CDK14: variants seen among roughly 807,000 people sequenced by gnomAD.
The protein encoded by CDK14 is cyclin-dependent kinase 14.
In CDK14, 34 loss-of-function variants were observed where a neutral mutation model predicts 60.7. The ratio of observed to expected loss-of-function variants is 0.56; its 90% CI spans 0.43 to 0.75. CDK14 has a LOEUF of 0.75. Among genes scored for constraint, CDK14 ranks in the 30% least tolerant of loss-of-function variants. The probability of loss-of-function intolerance (pLI) is 0.00; values close to 1 mark genes in which losing one functional copy is unlikely to be tolerated. For synonymous variants in CDK14, 197 were observed against 203.7 expected (o/e 0.97, Z 0.28); for missense variants, 482 against 564.1 (o/e 0.85, Z 1.47).
intron 11 of CDK14, among the ~76,000 whole-genome samples, chr7:91,054,021 T>C (rs563349607): frequency 5.9e-5 from 9 of 152,200 alleles, no homozygotes; most frequent in African/African-American, 2.2e-4. Context: ...TTAAGCAGAT[T>C]TGAGCTAGCT....
intron 2 of CDK14, among the ~76,000 whole-genome samples, chr7:90,664,833 A>G (rs962970790): frequency 1.3e-5 from 2 of 152,046 alleles, no homozygotes; most frequent in African/African-American, 4.8e-5. Context: ...AGATATACCT[A>G]ATGCTAAATG....
chr7:90,961,507 G>A (rs992430944), intron 9 of CDK14, among the ~76,000 whole-genome samples: 1 of 152,156 alleles, frequency 6.6e-6, no homozygotes, highest in African/African-American at 2.4e-5. Flanking sequence ...TAAACCAAAG[G>A]ATAGTAAGAA....
chr7:90,686,272 A>G (rs1486028189), intron 2 of CDK14, among the ~76,000 whole-genome samples: 2 of 152,138 alleles, frequency 1.3e-5, no homozygotes, highest in Non-Finnish European at 2.9e-5. Flanking sequence ...GTGGTTTCCA[A>G]ATATTGAGTC....
At chr7:90,917,935 G>A (rs1380926278) in intron 8 of CDK14, among the ~76,000 whole-genome samples, 2 of 151,744 alleles carry the variant, frequency 1.3e-5, no homozygotes, top group Non-Finnish European at 1.5e-5. Context: ...GCTTGTTAGA[G>A]TCTTTAATAA....
At chr7:91,067,370 T>A (rs1389086477) in intron 11 of CDK14, among the ~76,000 whole-genome samples, 1 of 152,236 alleles carries the variant, frequency 6.6e-6, no homozygotes. Context: ...ATCTGAAAGC[T>A]GTTGGATATA....
In CDK14 at chr7:90,785,109, G is replaced by A. The variant is rs182657291; in HGVS notation, c.465-5464G>A. 4.3e-3 allele frequency among the ~76,000 whole-genome samples: 660 copies of A among 151,950 alleles called. 4 individuals are homozygous for A. Among genetic ancestry groups the A allele is most frequent in the Middle Eastern group, 0.014 (4 of 294 alleles). ...TCTGCACTTGGTATTATTTTCCTTCGCAGTTTCTCTTGAGACAAAATCATA... is the reference window on the plus strand; with the variant it reads ...TCTGCACTTGGTATTATTTTCCTTCACAGTTTCTCTTGAGACAAAATCATA... On this transcript the variant is annotated intron_variant, in intron 4 of 14. Transcript: ENST00000380050.
At chr7:90,802,319 T>C (rs562958336) in intron 5 of CDK14, among the ~76,000 whole-genome samples, 5 of 152,208 alleles carry the variant, frequency 3.3e-5, no homozygotes, top group Non-Finnish European at 5.9e-5. Context: ...TTGCTCAGCC[T>C]AGACATTTCT....
chr7:91,166,308 TATC>T (rs1179310328), intron 14 of CDK14, among the ~76,000 whole-genome samples: 1 of 152,194 alleles, frequency 6.6e-6, no homozygotes, highest in Non-Finnish European at 1.5e-5. Flanking sequence ...AAAGACCAAA[TATC>T]ATCCCAGTGG....
chr7:91,139,820 T>TTTC (rs1800399900), intron 14 of CDK14, among the ~76,000 whole-genome samples: 1 of 147,860 alleles, frequency 6.8e-6, no homozygotes, highest in Non-Finnish European at 1.5e-5. Context: ...CTTTCTTTTC[T>TTTC]TTTCTTTCTT....
chr7:90,747,921 A>G (rs1480910829), intron 4 of CDK14, 146 bp downstream of exon 4: 2 of 311,024 alleles, frequency 6.4e-6, no homozygotes, highest in Non-Finnish European at 1.1e-5. Flanking sequence ...TTTTTTGGCA[A>G]GTGTGTAAAA....
intron 10 of CDK14, among the ~76,000 whole-genome samples, chr7:90,988,638 C>T (rs759173497): frequency 6.6e-6 from 1 of 151,982 alleles, no homozygotes; most frequent in Non-Finnish European, 1.5e-5. Context: ...ACTTGTACAA[C>T]CCTGGGAATA....
chr7:90,842,544 G>T (rs1790333393), intron 5 of CDK14, among the ~76,000 whole-genome samples: 1 of 152,152 alleles, frequency 6.6e-6, no homozygotes, highest in Non-Finnish European at 1.5e-5. Context: ...GAAACAAAAA[G>T]ACGTCTTTCT....
chr7:90,836,567 C>T (rs779227727), intron 5 of CDK14, among the ~76,000 whole-genome samples: 2 of 152,042 alleles, frequency 1.3e-5, no homozygotes, highest in African/African-American at 2.4e-5. Flanking sequence ...GAAGAACCTG[C>T]CTAAGGCTGT....
At chr7:90,646,530 G>C (rs1312415121) in intron 2 of CDK14, among the ~76,000 whole-genome samples, 2 of 151,970 alleles carry the variant, frequency 1.3e-5, no homozygotes, top group Admixed American at 1.3e-4. Flanking sequence ...AAACAAAAGA[G>C]CATAAAATAA....
At chr7:90,745,733 C>T (rs891806830) in intron 3 of CDK14, among the ~76,000 whole-genome samples, 1 of 152,160 alleles carries the variant, frequency 6.6e-6, no homozygotes, top group Non-Finnish European at 1.5e-5. Context: ...TTATCCTTAC[C>T]TTTGCAGTGT....
At chr7:90,992,329 A>G (rs1431733952) in intron 10 of CDK14, among the ~76,000 whole-genome samples, 2 of 152,216 alleles carry the variant, frequency 1.3e-5, no homozygotes, top group South Asian at 2.1e-4. Flanking sequence ...GAGTACCACA[A>G]ACTTTCTATA....
At chr7:90,872,853 A>G (rs775761495) in intron 6 of CDK14, among the ~76,000 whole-genome samples, 1 of 152,196 alleles carries the variant, frequency 6.6e-6, no homozygotes, top group Non-Finnish European at 1.5e-5. Context: ...ATATTCCACC[A>G]TAGATCAAAC....
At chr7:90,726,338 T>C in intron 2 of CDK14, 1 of 977,918 alleles carries the variant, frequency 1.0e-6, no homozygotes, top group Non-Finnish European at 1.2e-6. Context: ...TTTCTCATTT[T>C]AGAGGTAGAT....
chr7:91,119,425 A>G (rs546777280), intron 14 of CDK14, among the ~76,000 whole-genome samples: 1 of 152,348 alleles, frequency 6.6e-6, no homozygotes, highest in Non-Finnish European at 1.5e-5. Context: ...CTGAGGTTGC[A>G]GTGAGCTGAG....
Sources: gnomAD v4.1 joint callset for allele counts (sites outside exome capture counted in the v4.1 genomes callset) on GRCh38, gnomAD v4.1.1 for gene constraint, MANE v1.5 for transcripts, NCBI Gene and HGNC (gene_info 2026-07-23, HGNC 2026-07-21) for gene names.